The following DLGAP2 variants were observed in gnomAD, a reference collection of about 807,000 sequenced individuals.
DLGAP2 encodes disks large-associated protein 2.
Under a neutral mutation model 100.3 loss-of-function variants are expected in DLGAP2, and 26 were observed. That is an observed-to-expected ratio of 0.26 (90% CI 0.19 to 0.36). The LOEUF (loss-of-function observed/expected upper bound fraction) is 0.36, where lower values mean the gene tolerates loss of function less well. Among genes scored for constraint, DLGAP2 ranks in the 10% least tolerant of loss-of-function variants. DLGAP2 has a pLI of 1.00. For synonymous variants in DLGAP2, 886 were observed against 630.1 expected (o/e 1.41, Z -6.08); for missense variants, 1,858 against 1,453.2 (o/e 1.28, Z -4.53).
rs1585085354 is a variant in DLGAP2 at position 1,708,434 on chromosome 8, T to C, written c.*7028T>C. ...TAATATGTATGCAAAATGGTATAGA[T>C]TAAATGAGTTTTTAATTAATAAATC... On this transcript the variant is annotated 3_prime_UTR_variant, in exon 15 of 15. Transcript: ENST00000637795. The C allele has an allele frequency of 2.6e-5, 4 of 152,250 alleles. No individual in the cohort carries two copies. The South Asian group carries it at 8.3e-4, about 32-fold the overall frequency. 9.4% of individuals were successfully genotyped at this position (152,250 alleles called of 1,614,324 possible).
chr8:787,877 C>T (rs1170997617), intron 1 of DLGAP2, among the ~76,000 whole-genome samples: 8 of 152,180 alleles, frequency 5.3e-5, no homozygotes, highest in Admixed American at 1.3e-4. Flanking sequence ...TGAGGGGTGA[C>T]GAGAGGCTGT....
chr8:859,270 C>T (rs963080857), intron 1 of DLGAP2, among the ~76,000 whole-genome samples: 3 of 152,110 alleles, frequency 2.0e-5, no homozygotes, highest in Non-Finnish European at 2.9e-5. Flanking sequence ...CGCCACGAAG[C>T]CTGGCTAATT....
intron 2 of DLGAP2, among the ~76,000 whole-genome samples, chr8:1,174,509 AT>A (rs1292181182): frequency 3.3e-5 from 5 of 151,950 alleles, no homozygotes; most frequent in African/African-American, 1.2e-4. Context: ...CATCAAAGTC[AT>A]TATCACCATC....
intron 1 of DLGAP2, among the ~76,000 whole-genome samples, chr8:901,328 C>T (rs971937898): frequency 6.6e-6 from 1 of 152,232 alleles, no homozygotes; most frequent in Non-Finnish European, 1.5e-5. Context: ...AACAGTAATG[C>T]AGTCCTCCAC....
intron 6 of DLGAP2, among the ~76,000 whole-genome samples, chr8:1,607,599 G>A (rs1380194785): frequency 2.7e-5 from 4 of 148,278 alleles, no homozygotes; most frequent in Admixed American, 6.8e-5. Context: ...CGCAGAAGAC[G>A]GGTGATTTCT....
intron 2 of DLGAP2, among the ~76,000 whole-genome samples, chr8:1,048,034 C>T (rs997545252): frequency 1.3e-5 from 2 of 152,142 alleles, no homozygotes; most frequent in South Asian, 2.1e-4. Flanking sequence ...GTATTTGACC[C>T]GACTGTGTGT....
intron 2 of DLGAP2, among the ~76,000 whole-genome samples, chr8:922,311 G>A (rs545551746): frequency 6.6e-5 from 10 of 152,266 alleles, no homozygotes; most frequent in South Asian, 4.1e-4. Flanking sequence ...TGCTAATTGC[G>A]GTAAAGGGAC....
rs796478353 is a variant in DLGAP2, at chr8:949,974, C to G, written c.73+42008C>G. 9.2e-5 allele frequency among the ~76,000 whole-genome samples: 14 copies of G among 152,286 alleles called. No homozygotes were observed. The South Asian group carries it at 2.9e-3, about 32-fold the overall frequency. The stretch of plus-strand genomic sequence containing the variant: ...GGCCCAGCAGCTTTTAGTACATTTT[C>G]AAAGCGAGGCACACACACAAAGAGA... On this transcript the variant is annotated intron_variant, in intron 2 of 14. Coordinates refer to ENST00000637795, the MANE Select transcript of DLGAP2 (RefSeq NM_001346810.2).
In DLGAP2 at chr8:1,011,212, G is replaced by T. The variant is rs139973944; in HGVS notation, c.73+103246G>T. 4.1e-3 allele frequency among the ~76,000 whole-genome samples: 621 copies of T among 150,450 alleles called. 4 individuals carry two copies. The highest frequency in any genetic ancestry group is 0.015 in the African/African-American group (582 of 40,096). ...GGAATGAGGGGTCTCAGTCTGCACAGTGAGCCCTGGAATGAGGGGTCTCAG... is the reference window on the plus strand; with the variant it reads ...GGAATGAGGGGTCTCAGTCTGCACATTGAGCCCTGGAATGAGGGGTCTCAG... On this transcript the variant is annotated intron_variant, in intron 2 of 14. Transcript: ENST00000637795.
intron 2 of DLGAP2, among the ~76,000 whole-genome samples, chr8:1,026,206 C>T (rs1801795750): frequency 6.6e-6 from 1 of 152,172 alleles, no homozygotes; most frequent in South Asian, 2.1e-4. Context: ...GCCTCACGAT[C>T]GTGCTGTCTC....
At chr8:820,772 A>G (rs1482953001) in intron 1 of DLGAP2, among the ~76,000 whole-genome samples, 2 of 152,242 alleles carry the variant, frequency 1.3e-5, no homozygotes, top group Non-Finnish European at 2.9e-5. Context: ...AAATGTATGC[A>G]GAATTCTTAG....
At chr8:1,381,610 T>A (rs1193888778) in intron 3 of DLGAP2, among the ~76,000 whole-genome samples, 1 of 152,186 alleles carries the variant, frequency 6.6e-6, no homozygotes, top group Admixed American at 6.5e-5. Context: ...CGCCCACTCT[T>A]CTACTCTGTG....
chr8:916,690 G>T (rs893693580), intron 2 of DLGAP2, among the ~76,000 whole-genome samples: 1 of 152,100 alleles, frequency 6.6e-6, no homozygotes, highest in African/African-American at 2.4e-5. Flanking sequence ...TTAAAAAAAA[G>T]AAACTCAATC....
At chr8:1,157,067 C>A (rs903933653) in intron 2 of DLGAP2, among the ~76,000 whole-genome samples, 19 of 152,282 alleles carry the variant, frequency 1.2e-4, no homozygotes, top group African/African-American at 4.3e-4. Flanking sequence ...CTGAGGGACT[C>A]GGTGGTGTCA....
intron 6 of DLGAP2, among the ~76,000 whole-genome samples, chr8:1,594,014 G>C (rs1278288838): frequency 1.3e-5 from 2 of 152,186 alleles, no homozygotes; most frequent in Non-Finnish European, 2.9e-5. Context: ...TGACAGCTTA[G>C]ACTAGTAGAT....
chr8:988,782 T>C (rs1279356332), intron 2 of DLGAP2, among the ~76,000 whole-genome samples: 1 of 152,068 alleles, frequency 6.6e-6, no homozygotes, highest in East Asian at 1.9e-4. Flanking sequence ...CCCGGGGACC[T>C]GGTGAGTGCA....
At chr8:1,377,550 A>G (rs1795987155) in intron 3 of DLGAP2, among the ~76,000 whole-genome samples, 1 of 152,198 alleles carries the variant, frequency 6.6e-6, no homozygotes, top group Admixed American at 6.5e-5. Context: ...ACTCAAAAAA[A>G]TAAATAAAAT....
chr8:800,020 C>G (rs776818404), intron 1 of DLGAP2, among the ~76,000 whole-genome samples: 1 of 152,126 alleles, frequency 6.6e-6, no homozygotes, highest in Non-Finnish European at 1.5e-5. Flanking sequence ...AGCAGCGTAC[C>G]GAGAAAACCA....
At chr8:1,040,141 G>GGTTT (rs1802286613) in intron 2 of DLGAP2, among the ~76,000 whole-genome samples, 1 of 139,282 alleles carries the variant, frequency 7.2e-6, no homozygotes, top group African/African-American at 2.7e-5. Context: ...TGGTCAGCTC[G>GGTTT]CTGCACGTGT....
Sources: gnomAD v4.1 joint callset for allele counts (sites outside exome capture counted in the v4.1 genomes callset) on GRCh38, gnomAD v4.1.1 for gene constraint, MANE v1.5 for transcripts, NCBI Gene and HGNC (gene_info 2026-07-23, HGNC 2026-07-21) for gene names.